Variants in CLEC5A observed in about 807,000 individuals in gnomAD.
CLEC5A encodes C-type lectin domain containing 5A, also known as C-type lectin domain family 5 member A.
A neutral mutation model predicts 24.4 loss-of-function variants in CLEC5A; 15 were observed. The observed-to-expected ratio is 0.62, with a 90% CI of 0.41 to 0.95. CLEC5A has a LOEUF of 0.95. Ranked by LOEUF, CLEC5A falls within the 40% of genes least tolerant of loss-of-function variation. The pLI is 0.00. For missense variants in CLEC5A, 211 were observed against 224.0 expected (o/e 0.94, Z 0.37); for synonymous variants, 71 against 72.6 (o/e 0.98, Z 0.11).
intron 4 of CLEC5A, among the ~76,000 whole-genome samples, chr7:141,942,075 T>A (rs1364069594): frequency 6.6e-6 from 1 of 151,836 alleles, no homozygotes; most frequent in Non-Finnish European, 1.5e-5. Context: ...ACAGAAAAAA[T>A]TATCGTAAAA....
chr7:141,933,816 G>A (rs1802539438), intron 5 of CLEC5A, among the ~76,000 whole-genome samples: 1 of 151,970 alleles, frequency 6.6e-6, no homozygotes, highest in African/African-American at 2.4e-5. Context: ...AGGGCAGCCA[G>A]GACATGGCTC....
At chr7:141,938,907 G>GT (rs1439664795) in intron 4 of CLEC5A, among the ~76,000 whole-genome samples, 1 of 152,096 alleles carries the variant, frequency 6.6e-6, no homozygotes, top group East Asian at 1.9e-4. Flanking sequence ...TTAGAATAGC[G>GT]TATCTGATGA....
chr7:141,936,141 G>A (rs543712794), intron 4 of CLEC5A, 191 bp from the exon 5 acceptor site: 10 of 596,450 alleles, frequency 1.7e-5, no homozygotes, highest in Non-Finnish European at 2.9e-5. Flanking sequence ...GGAGAATAAG[G>A]AGAAGAGCGC....
rs1554439968 is a variant in CLEC5A at position 141,929,284 on chromosome 7, T to C, written c.*820A>G. On this transcript the variant is annotated 3_prime_UTR_variant, in exon 7 of 7. Transcript: ENST00000546910. ...TTGTTGCCTAAGAGACTATCCAAAA[T>C]TTTAAAAATACTCAACAAATACAGC... is the stretch of plus-strand genomic sequence containing the variant. 1 of 152,192 alleles carries C rather than the reference T, an allele frequency of 6.6e-6. No homozygotes were observed. The highest frequency in any genetic ancestry group is 2.4e-5 in the African/African-American group (1 of 41,442). 9.4% of individuals were successfully genotyped at this position (152,192 alleles called of 1,614,324 possible).
At position 141,928,746 on chromosome 7, in the gene CLEC5A, T is replaced by C. The variant is rs139058243; in HGVS notation, c.*1358A>G. 2 of 152,350 alleles carry C rather than the reference T, an allele frequency of 1.3e-5. No homozygotes were observed. Among genetic ancestry groups the C allele is most frequent in the East Asian group, 3.9e-4 (2 of 5,178 alleles). 9.4% of individuals were successfully genotyped at this position (152,350 alleles called of 1,614,324 possible). ...TTACAACAATCTTGTTTGGTATACA[T>C]ACAATGACATGTACAGTCATTACTG... is the stretch of plus-strand genomic sequence containing the variant. On this transcript the variant is annotated 3_prime_UTR_variant, in exon 7 of 7. Coordinates refer to ENST00000546910, the MANE Select transcript of CLEC5A (RefSeq NM_013252.3).
At chr7:141,945,480 C>T in intron 2 of CLEC5A, 80 bp from the exon 3 acceptor site, 1 of 947,626 alleles carries the variant, frequency 1.1e-6, no homozygotes, top group Non-Finnish European at 1.7e-6. Flanking sequence ...AGCACAGGGG[C>T]TGCTAGGGTA....
intron 3 of CLEC5A, 131 bp from the exon 4 acceptor site, chr7:141,944,095 C>G: frequency 1.7e-6 from 1 of 587,118 alleles, no homozygotes; most frequent in East Asian, 2.8e-5. Flanking sequence ...TGAGCTAGAA[C>G]ATTTCAAATA....
chr7:141,938,608 A>T (rs1420203479), intron 4 of CLEC5A, among the ~76,000 whole-genome samples: 1 of 152,202 alleles, frequency 6.6e-6, no homozygotes, highest in Non-Finnish European at 1.5e-5. Flanking sequence ...AAACCTAGGG[A>T]AAGATATCAA....
intron 4 of CLEC5A, among the ~76,000 whole-genome samples, chr7:141,937,443 C>A (rs1802664233): frequency 6.6e-6 from 1 of 152,064 alleles, no homozygotes; most frequent in Non-Finnish European, 1.5e-5. Flanking sequence ...CCTCTGCCTG[C>A]AGAAAGGGGA....
At chr7:141,931,523 T>C in intron 6 of CLEC5A, 197 bp downstream of exon 6, 1 of 550,292 alleles carries the variant, frequency 1.8e-6, no homozygotes, top group Non-Finnish European at 3.2e-6. Flanking sequence ...TCTTTCTCCT[T>C]ATGAAAGTTT....
In CLEC5A at chr7:141,931,769, G is replaced by A. The variant is rs140946328; in HGVS notation, c.403C>T (p.Arg135Cys). Residue 135 changes from arginine (R) to cysteine (C), a missense_variant, in exon 6 of 7, where the codon CGT (arginine) becomes TGT (cysteine). Physicochemically the swap from Arg to Cys is radical, Grantham distance 180 (BLOSUM62 -3). Transcript: ENST00000546910. ...EKYFIGLIYH[R>C]EEKRWRWINN... ...ATCCAACGCCACCTTTTCTCTTCAC[G>A]ATGGTAAATTAAGCCAATAAAATAC... 21 of 1,607,966 alleles carry A rather than the reference G, an allele frequency of 1.3e-5. No homozygotes were observed. Among genetic ancestry groups the A allele is most frequent in the African/African-American group, 2.7e-5 (2 of 74,880 alleles).
intron 1 of CLEC5A, 97 bp from the exon 2 acceptor site, chr7:141,946,409 G>A (rs1428851723): frequency 8.9e-7 from 1 of 1,126,526 alleles, no homozygotes; most frequent in African/African-American, 1.6e-5. Flanking sequence ...CCCAAAGCAA[G>A]GCAGGCTTGG....
At chr7:141,933,682 A>G (rs1277176457) in intron 5 of CLEC5A, among the ~76,000 whole-genome samples, 2 of 150,596 alleles carry the variant, frequency 1.3e-5, no homozygotes, top group African/African-American at 2.5e-5. Flanking sequence ...TGAAAAAGGT[A>G]TAATTGACCT....
rs967533410 is a variant in CLEC5A, at chr7:141,927,932, G to A, written c.*2172C>T. The A allele has an allele frequency of 1.3e-5, 2 of 152,126 alleles. No homozygotes were observed. Among genetic ancestry groups the A allele is most frequent in the African/African-American group, 4.8e-5 (2 of 41,410 alleles). 9.4% of individuals were successfully genotyped at this position (152,126 alleles called of 1,614,324 possible). A position where few individuals can be genotyped will look rare whatever the true frequency, so the allele number is the denominator to read the frequency against. Reference sequence around the variant, plus strand: ...TATGTGCAATAATTTTTTGAGATAGGTATTACTACCCCATTTTATCAGTAA... The same window carrying A: ...TATGTGCAATAATTTTTTGAGATAGATATTACTACCCCATTTTATCAGTAA... On this transcript the variant is annotated 3_prime_UTR_variant, in exon 7 of 7. Coordinates refer to ENST00000546910, the MANE Select transcript of CLEC5A (RefSeq NM_013252.3).
rs113756695 is a variant in CLEC5A at position 141,937,486 on chromosome 7, C to G, written c.209-1536G>C. Among the ~76,000 whole-genome samples, 662 of 152,236 alleles carry G rather than the reference C, an allele frequency of 4.3e-3. 5 individuals carry two copies. The highest frequency in any genetic ancestry group is 0.015 in the African/African-American group (636 of 41,548). On this transcript the variant is annotated intron_variant, in intron 4 of 6. Coordinates refer to ENST00000546910, the MANE Select transcript of CLEC5A (RefSeq NM_013252.3). The stretch of plus-strand genomic sequence containing the variant: ...GTGGAAAGAACTATGTCTCATGAAT[C>G]GAGTTTCAGCTCAGCCACAGGAGGA...
At chr7:141,930,316 G>T in intron 6 of CLEC5A, 98 bp from the exon 7 acceptor site, 1 of 902,064 alleles carries the variant, frequency 1.1e-6, no homozygotes, top group Non-Finnish European at 1.7e-6. Flanking sequence ...ATTCCAGAGT[G>T]AGAGTCTTGC....
chr7:141,934,467 T>C (rs1158557091), intron 5 of CLEC5A, among the ~76,000 whole-genome samples: 1 of 152,054 alleles, frequency 6.6e-6, no homozygotes, highest in Non-Finnish European at 1.5e-5. Flanking sequence ...ATTGACTCAG[T>C]TTTGAACATA....
At chr7:141,932,291 T>C (rs1288085498) in intron 5 of CLEC5A, among the ~76,000 whole-genome samples, 2 of 152,214 alleles carry the variant, frequency 1.3e-5, no homozygotes, top group Non-Finnish European at 2.9e-5. Context: ...TGTTTCTATA[T>C]ATTGAGTACT....
intron 4 of CLEC5A, among the ~76,000 whole-genome samples, chr7:141,940,308 A>G (rs1050611855): frequency 2.0e-4 from 30 of 152,238 alleles, no homozygotes; most frequent in Admixed American, 1.1e-3. Flanking sequence ...AAATACGTGG[A>G]AATTAAACAA....
Sources: gnomAD v4.1 joint callset for allele counts (sites outside exome capture counted in the v4.1 genomes callset) on GRCh38, gnomAD v4.1.1 for gene constraint, MANE v1.5 for transcripts, NCBI Gene and HGNC (gene_info 2026-07-23, HGNC 2026-07-21) for gene names.